SPAG16: variants seen among roughly 807,000 people sequenced by gnomAD.
SPAG16 encodes the protein sperm-associated antigen 16 protein.
In SPAG16, 86 loss-of-function variants were observed where a neutral mutation model predicts 80.4. That is an observed-to-expected ratio of 1.07 (90% CI 0.90 to 1.28). SPAG16 has a LOEUF of 1.28. Among genes scored for constraint, SPAG16 ranks in the 50% most tolerant of loss-of-function variants. The pLI is 0.00. For missense variants in SPAG16, 870 were observed against 765.3 expected (o/e 1.14, Z -1.61); for synonymous variants, 294 against 265.9 (o/e 1.11, Z -1.03).
chr2:213,463,260 T>C (rs1416839411), intron 9 of SPAG16, among the ~76,000 whole-genome samples: 1 of 152,196 alleles, frequency 6.6e-6, no homozygotes, highest in African/African-American at 2.4e-5. Context: ...TTTGGAAAGT[T>C]TGCAGCCTGG....
chr2:213,401,949 C>T (rs1419070102), intron 9 of SPAG16, among the ~76,000 whole-genome samples: 2 of 151,920 alleles, frequency 1.3e-5, no homozygotes, highest in South Asian at 2.1e-4. Flanking sequence ...AAACTTCAAA[C>T]GTTTTAAATA....
intron 8 of SPAG16, among the ~76,000 whole-genome samples, chr2:213,370,452 A>G (rs936422051): frequency 2.6e-5 from 4 of 152,168 alleles, no homozygotes; most frequent in Admixed American, 1.3e-4. Flanking sequence ...GTCAACTTCA[A>G]AAATTGTTTT....
intron 15 of SPAG16, among the ~76,000 whole-genome samples, chr2:214,336,215 G>C (rs1020226491): frequency 1.3e-5 from 2 of 152,178 alleles, no homozygotes; most frequent in African/African-American, 4.8e-5. Context: ...ATTATTTGAA[G>C]TTCTTTGGTG....
chr2:214,207,483 T>A (rs1304490637), intron 15 of SPAG16, among the ~76,000 whole-genome samples: 1 of 152,222 alleles, frequency 6.6e-6, no homozygotes, highest in Non-Finnish European at 1.5e-5. Context: ...CCTGTTTCTA[T>A]GCTAGCAGTG....
intron 10 of SPAG16, among the ~76,000 whole-genome samples, chr2:213,577,930 C>T (rs966961230): frequency 6.6e-6 from 1 of 151,990 alleles, no homozygotes; most frequent in Non-Finnish European, 1.5e-5. Flanking sequence ...TTGCTCTATC[C>T]AGCCTCCTCT....
intron 10 of SPAG16, among the ~76,000 whole-genome samples, chr2:213,535,448 A>G (rs983129439): frequency 1.2e-4 from 18 of 152,262 alleles, no homozygotes; most frequent in Non-Finnish European, 1.6e-4. Flanking sequence ...GAGTTGAATA[A>G]TGTCACTTAT....
At chr2:214,383,267 C>A (rs1405147211) in intron 15 of SPAG16, among the ~76,000 whole-genome samples, 1 of 151,952 alleles carries the variant, frequency 6.6e-6, no homozygotes, top group Non-Finnish European at 1.5e-5. Context: ...TCAAAAGAGG[C>A]CCCCAAAAGA....
chr2:214,341,989 C>A (rs1217547908), intron 15 of SPAG16, among the ~76,000 whole-genome samples: 1 of 151,954 alleles, frequency 6.6e-6, no homozygotes, highest in Admixed American at 6.6e-5. Context: ...ACTAAAAGTT[C>A]TCTTTTTTAG....
At chr2:213,626,549 A>G (rs1395163161) in intron 10 of SPAG16, among the ~76,000 whole-genome samples, 3 of 152,002 alleles carry the variant, frequency 2.0e-5, no homozygotes, top group African/African-American at 7.2e-5. Context: ...AAATTTAGAC[A>G]GTCTTGCTCT....
chr2:213,435,079 A>G (rs941692285), intron 9 of SPAG16, among the ~76,000 whole-genome samples: 47 of 152,222 alleles, frequency 3.1e-4, no homozygotes, highest in Admixed American at 1.3e-4. Context: ...TCAGTGATGA[A>G]TAAATAAAGA....
intron 15 of SPAG16, among the ~76,000 whole-genome samples, chr2:214,326,516 A>G (rs1313618234): frequency 3.3e-5 from 5 of 150,904 alleles, no homozygotes; most frequent in Non-Finnish European, 3.0e-5. Context: ...TCATGGAATG[A>G]CTGAACAGCT....
chr2:214,353,664 G>A (rs566601759), intron 15 of SPAG16, among the ~76,000 whole-genome samples: 1 of 152,208 alleles, frequency 6.6e-6, no homozygotes, highest in Admixed American at 6.5e-5. Flanking sequence ...AGATGCCATT[G>A]CATAAAGATA....
At chr2:214,305,076 G>A (rs1040938706) in intron 15 of SPAG16, among the ~76,000 whole-genome samples, 5 of 152,224 alleles carry the variant, frequency 3.3e-5, no homozygotes, top group South Asian at 2.1e-4. Context: ...ATTCTGACTG[G>A]TGTGAGATGG....
chr2:214,111,529 T>C (rs2053663555), intron 14 of SPAG16, among the ~76,000 whole-genome samples: 1 of 152,228 alleles, frequency 6.6e-6, no homozygotes, highest in African/African-American at 2.4e-5. Context: ...TGTTGGTTAC[T>C]GTAGCCTTGT....
rs188061904 is a variant in SPAG16, at chr2:213,742,532, T to C, written c.1071-119953T>C. Among the ~76,000 whole-genome samples the C allele has an allele frequency of 9.3e-4, 136 of 146,056 alleles. 1 individual carries two copies. The South Asian group carries it at 0.014, about 15-fold the overall frequency. On this transcript the variant is annotated intron_variant, in intron 10 of 15. Coordinates refer to ENST00000331683, the MANE Select transcript of SPAG16 (RefSeq NM_024532.5). ...AGGTACACTCTTGATCCCTCCTGTC[T>C]TATTTTGCTTATTTCTTTTTTTTTT...
chr2:214,168,323 G>A (rs190318172), intron 15 of SPAG16, among the ~76,000 whole-genome samples: 12 of 151,956 alleles, frequency 7.9e-5, no homozygotes, highest in Admixed American at 2.6e-4. Flanking sequence ...TTAAGTTTTC[G>A]CCTCTGTAAA....
chr2:213,770,874 T>C (rs1446774037), intron 10 of SPAG16, among the ~76,000 whole-genome samples: 1 of 152,192 alleles, frequency 6.6e-6, no homozygotes, highest in African/African-American at 2.4e-5. Flanking sequence ...TTGATGGGCA[T>C]TTGGTTGATT....
Position 214,149,809 on chromosome 2 carries a change from A to G in SPAG16, c.1720+543A>G, listed in dbSNP as rs6760981. Reference sequence around the variant, plus strand: ...TATTTAGTTTTTATTCCACAATGATATAAGTATTATCAATTAGATAAAATA... The same window carrying G: ...TATTTAGTTTTTATTCCACAATGATGTAAGTATTATCAATTAGATAAAATA... On this transcript the variant is annotated intron_variant, in intron 15 of 15. Transcript: ENST00000331683. Among the ~76,000 whole-genome samples the G allele has an allele frequency of 5.1e-3, 779 of 152,202 alleles. 12 individuals carry two copies. Among genetic ancestry groups the G allele is most frequent in the Middle Eastern group, 0.02 (6 of 294 alleles).
chr2:213,327,851 A>T (rs977310630), intron 5 of SPAG16, among the ~76,000 whole-genome samples: 2 of 152,144 alleles, frequency 1.3e-5, no homozygotes, highest in Non-Finnish European at 2.9e-5. Flanking sequence ...TACTATACTG[A>T]ATAGCAGTAT....
Sources: gnomAD v4.1 joint callset for allele counts (sites outside exome capture counted in the v4.1 genomes callset) on GRCh38, gnomAD v4.1.1 for gene constraint, MANE v1.5 for transcripts, NCBI Gene and HGNC (gene_info 2026-07-23, HGNC 2026-07-21) for gene names.